The following CEP112 variants were observed in gnomAD, a reference collection of about 807,000 sequenced individuals.
CEP112 encodes centrosomal protein 112.
CEP112 carries 127 observed loss-of-function variants against 153.0 expected under a neutral mutation model. The observed-to-expected ratio is 0.83, with a 90% CI of 0.72 to 0.96. The LOEUF is 0.96. Among genes scored for constraint, CEP112 ranks in the 40% least tolerant of loss-of-function variants. The probability of loss-of-function intolerance (pLI) is 0.00; values close to 1 mark genes in which losing one functional copy is unlikely to be tolerated. For missense variants in CEP112, 1,089 were observed against 1,101.2 expected (o/e 0.99, Z 0.16); for synonymous variants, 358 against 374.4 (o/e 0.96, Z 0.51).
At chr17:65,738,416 T>G (rs974016184) in intron 23 of CEP112, among the ~76,000 whole-genome samples, 1 of 152,220 alleles carries the variant, frequency 6.6e-6, no homozygotes, top group African/African-American at 2.4e-5. Flanking sequence ...TCCTCTGTTT[T>G]ACTCTAGTTT....
At chr17:66,090,005 G>C (rs188343878) in intron 8 of CEP112, among the ~76,000 whole-genome samples, 15 of 152,234 alleles carry the variant, frequency 9.9e-5, no homozygotes, top group African/African-American at 3.6e-4. Context: ...AAATCTTACA[G>C]TCCAGAAAAG....
At chr17:66,184,320 G>A (rs544240912) in intron 1 of CEP112, among the ~76,000 whole-genome samples, 1 of 152,248 alleles carries the variant, frequency 6.6e-6, no homozygotes, top group East Asian at 1.9e-4. Context: ...TGCAAAGGAC[G>A]TTGTTAAGGA....
chr17:66,125,994 A>T (rs955288274), intron 6 of CEP112, among the ~76,000 whole-genome samples: 1 of 152,206 alleles, frequency 6.6e-6, no homozygotes, highest in Non-Finnish European at 1.5e-5. Flanking sequence ...TCAATGGAAG[A>T]TTTCAATTGT....
At chr17:65,782,030 T>C (rs2054024540) in intron 21 of CEP112, among the ~76,000 whole-genome samples, 1 of 152,060 alleles carries the variant, frequency 6.6e-6, no homozygotes, top group Non-Finnish European at 1.5e-5. Context: ...CTAAAGATCT[T>C]CTGCACAGCA....
chr17:65,867,803 T>G (rs1271263107), intron 20 of CEP112, among the ~76,000 whole-genome samples: 2 of 152,116 alleles, frequency 1.3e-5, no homozygotes, highest in Admixed American at 1.3e-4. Context: ...CTTAGTTATA[T>G]GTCCCTAAAA....
At chr17:65,649,529 C>A (rs544346312) in intron 24 of CEP112, among the ~76,000 whole-genome samples, 1 of 151,754 alleles carries the variant, frequency 6.6e-6, no homozygotes, top group South Asian at 2.1e-4. Flanking sequence ...CCAGCCTGGG[C>A]AACATAATGA....
chr17:65,820,930 C>T (rs772853203), intron 21 of CEP112, among the ~76,000 whole-genome samples: 5 of 152,008 alleles, frequency 3.3e-5, no homozygotes, highest in Non-Finnish European at 7.4e-5. Flanking sequence ...GGGGTTGCTT[C>T]CTTAGAGTAT....
At chr17:66,075,737 G>A (rs1322549259) in intron 8 of CEP112, among the ~76,000 whole-genome samples, 1 of 152,214 alleles carries the variant, frequency 6.6e-6, no homozygotes, top group African/African-American at 2.4e-5. Context: ...CGGACAGACA[G>A]AGCAGTGTGC....
At position 65,970,351 on chromosome 17, in the gene CEP112, CTA is replaced by C. The variant is rs1434389599; in HGVS notation, c.1737-8755_1737-8754del. Among the ~76,000 whole-genome samples the C allele has an allele frequency of 1.3e-4, 11 of 83,836 alleles. 2 individuals are homozygous for C. The highest frequency in any genetic ancestry group is 4.8e-4 in the African/African-American group (9 of 18,916). The allele number at this position is 83,836 out of a possible 152,430, so 55.0% of individuals were successfully genotyped here. On this transcript the variant is annotated intron_variant, in intron 17 of 26. Coordinates refer to ENST00000535342, the MANE Select transcript of CEP112 (RefSeq NM_001199165.4). Reference sequence around the variant, plus strand: ...TGCATGCATATTACATGCATGTGCACTATGTGCCTATATTACATGCACACATC... The same window carrying C: ...TGCATGCATATTACATGCATGTGCACTGTGCCTATATTACATGCACACATC...
In CEP112 at chr17:66,158,020, G is replaced by A. The variant is rs1273762040; in HGVS notation, c.470+17024C>T. ...CAAGGAGATTCAGGACTTGAACTCAGCTCTGGACCAAATGGACCTAACAGA... is the reference window on the plus strand; with the variant it reads ...CAAGGAGATTCAGGACTTGAACTCAACTCTGGACCAAATGGACCTAACAGA... On this transcript the variant is annotated intron_variant, in intron 4 of 26. Coordinates refer to ENST00000535342, the MANE Select transcript of CEP112 (RefSeq NM_001199165.4). 2.0e-5 allele frequency among the ~76,000 whole-genome samples: 3 copies of A among 152,242 alleles called. No homozygotes were observed. In the East Asian group the frequency reaches 5.8e-4, roughly 29 times the overall value.
chr17:65,864,174 T>C (rs541547782), intron 20 of CEP112, among the ~76,000 whole-genome samples: 1 of 151,792 alleles, frequency 6.6e-6, no homozygotes, highest in African/African-American at 2.4e-5. Context: ...CTGGGAACTC[T>C]GGATTTGACA....
At chr17:65,884,103 T>C (rs1048811734) in intron 20 of CEP112, among the ~76,000 whole-genome samples, 1 of 152,086 alleles carries the variant, frequency 6.6e-6, no homozygotes, top group Non-Finnish European at 1.5e-5. Flanking sequence ...TATTAGCATA[T>C]AGTTGTTAAG....
intron 6 of CEP112, among the ~76,000 whole-genome samples, chr17:66,128,018 C>T (rs567698312): frequency 3.3e-5 from 5 of 152,068 alleles, no homozygotes; most frequent in East Asian, 3.9e-4. Flanking sequence ...AGACCTAAAA[C>T]GGCCAGGCGC....
chr17:66,001,027 C>T (rs886395414), intron 17 of CEP112, among the ~76,000 whole-genome samples: 3 of 152,180 alleles, frequency 2.0e-5, no homozygotes, highest in African/African-American at 7.2e-5. Context: ...AGGCATGACA[C>T]GTCAATGTAA....
chr17:65,908,608 C>T (rs1449562478), intron 19 of CEP112, among the ~76,000 whole-genome samples: 1 of 151,782 alleles, frequency 6.6e-6, no homozygotes, highest in Non-Finnish European at 1.5e-5. Context: ...GCAGAAGAAT[C>T]GCTTGAACCC....
intron 21 of CEP112, among the ~76,000 whole-genome samples, chr17:65,848,761 C>T (rs963415738): frequency 2.8e-4 from 43 of 152,306 alleles, no homozygotes; most frequent in Non-Finnish European, 5.7e-4. Flanking sequence ...CCTCCTCCTC[C>T]GACCAGAAAC....
At chr17:65,883,174 C>T (rs556110868) in intron 20 of CEP112, among the ~76,000 whole-genome samples, 2 of 152,056 alleles carry the variant, frequency 1.3e-5, no homozygotes, top group East Asian at 3.9e-4. Flanking sequence ...AAACAAGGTG[C>T]TCTGATAGAA....
intron 4 of CEP112, among the ~76,000 whole-genome samples, chr17:66,145,976 T>C (rs1404818300): frequency 6.6e-6 from 1 of 152,032 alleles, no homozygotes. Context: ...TCTCAAATTA[T>C]TCAAAATATA....
chr17:65,728,427 G>A (rs1006159529), intron 23 of CEP112, among the ~76,000 whole-genome samples: 8 of 152,186 alleles, frequency 5.3e-5, no homozygotes, highest in Non-Finnish European at 7.3e-5. Context: ...AGGGTTGCAA[G>A]AGAAACAACG....
Sources: gnomAD v4.1 joint callset for allele counts (sites outside exome capture counted in the v4.1 genomes callset) on GRCh38, gnomAD v4.1.1 for gene constraint, MANE v1.5 for transcripts, NCBI Gene and HGNC (gene_info 2026-07-23, HGNC 2026-07-21) for gene names.